UPK1B: variants seen among roughly 807,000 people sequenced by gnomAD.
UPK1B encodes the protein uroplakin-1b.
Under a neutral mutation model 34.2 loss-of-function variants are expected in UPK1B, and 28 were observed. The ratio of observed to expected loss-of-function variants is 0.82; its 90% CI spans 0.61 to 1.12. The LOEUF (loss-of-function observed/expected upper bound fraction) is 1.12. Among genes scored for constraint, UPK1B ranks in the 50% most tolerant of loss-of-function variants. The pLI, the probability that UPK1B is intolerant of heterozygous loss-of-function variation, is 0.00. For synonymous variants in UPK1B, 81 were observed against 110.4 expected (o/e 0.73, Z 1.67); for missense variants, 325 against 320.9 (o/e 1.01, Z -0.10).
chr3:119,179,467 T>A (rs1290200404), intron 1 of UPK1B, among the ~76,000 whole-genome samples: 6 of 130,546 alleles, frequency 4.6e-5, no homozygotes. Flanking sequence ...ATACAGCAGG[T>A]GGGCAACCTG....
At chr3:119,183,630 C>G (rs2077999695) in intron 1 of UPK1B, among the ~76,000 whole-genome samples, 1 of 152,088 alleles carries the variant, frequency 6.6e-6, no homozygotes, top group South Asian at 2.1e-4. Flanking sequence ...GCAACATAGC[C>G]CTGATTTTAG....
intron 2 of UPK1B, among the ~76,000 whole-genome samples, chr3:119,187,187 T>C (rs1192129198): frequency 6.6e-6 from 1 of 152,316 alleles, no homozygotes; most frequent in East Asian, 1.9e-4. Flanking sequence ...ATCTTGTTCT[T>C]CTCATACAGA....
At chr3:119,179,352 GATATATATATAT>G (rs60685268) in intron 1 of UPK1B, among the ~76,000 whole-genome samples, 1,436 of 46,822 alleles carry the variant, frequency 0.031, 60 homozygotes, top group African/African-American at 0.08. Context: ...GAGAGAGGGA[GATATATATATAT>G]ATATATATAT....
intron 1 of UPK1B, among the ~76,000 whole-genome samples, chr3:119,179,053 G>C (rs1235249037): frequency 6.6e-6 from 1 of 152,086 alleles, no homozygotes; most frequent in Non-Finnish European, 1.5e-5. Flanking sequence ...TAAAGAGAGA[G>C]AGAGGCAACG....
intron 7 of UPK1B, 30 bp from the exon 8 acceptor site, chr3:119,203,883 CTTGT>C: frequency 6.2e-7 from 1 of 1,602,954 alleles, no homozygotes; most frequent in African/African-American, 1.3e-5. Flanking sequence ...AAAACAATCC[CTTGT>C]TTATTTTTCC....
Position 119,199,059 on chromosome 3 carries a change from C to A in UPK1B, c.651C>A (p.Gly217=). The A allele has an allele frequency of 6.2e-7, 1 of 1,614,076 alleles. No homozygotes were observed. The highest frequency in any genetic ancestry group is 8.5e-7 in the Non-Finnish European group (1 of 1,179,946). The change falls in exon 7 of 8, where the codon GGC becomes GGA. Residue 217 remains glycine, a splice_region_variant and synonymous_variant. Transcript: ENST00000264234. ...TGTGGAATTGCCCACTCCTTCAGGGCTGCTATGAACTGATCTCTGGTCCAA... is the reference window on the plus strand; with the variant it reads ...TGTGGAATTGCCCACTCCTTCAGGGATGCTATGAACTGATCTCTGGTCCAA... The part of the protein sequence containing the change: ...LGVPGFYHNQ[G]CYELISGPMN...
At chr3:119,202,598 A>T (rs2078096008) in intron 7 of UPK1B, among the ~76,000 whole-genome samples, 3 of 152,210 alleles carry the variant, frequency 2.0e-5, no homozygotes, top group African/African-American at 7.2e-5. Flanking sequence ...AATTTAAGTG[A>T]CTTGGCTAAA....
chr3:119,181,503 C>T (rs984829091), intron 1 of UPK1B, among the ~76,000 whole-genome samples: 2 of 152,214 alleles, frequency 1.3e-5, no homozygotes, highest in East Asian at 1.9e-4. Context: ...TTACTATACT[C>T]ATTTGAAGAT....
Position 119,191,040 on chromosome 3 carries a change from C to T in UPK1B, c.404C>T (p.Pro135Leu), listed in dbSNP as rs2107433439. The T allele has an allele frequency of 1.2e-6, 2 of 1,614,110 alleles. No individual in the cohort carries two copies. Among genetic ancestry groups the T allele is most frequent in the East Asian group, 2.2e-5 (1 of 44,880 alleles). Residue 135 changes from proline to leucine, a missense_variant, in exon 5 of 8, where the codon CCA becomes CTA. Transcript: ENST00000264234. ...GAGAGGTACCAAAACAACAGCCCTCCAAACAATGATGACCAGTGGAAAAAC... is the reference window on the plus strand; with the variant it reads ...GAGAGGTACCAAAACAACAGCCCTCTAAACAATGATGACCAGTGGAAAAAC... ...MLERYQNNSP[P>L]NNDDQWKNNG...
At chr3:119,196,478 AC>A (rs1194266598) in intron 6 of UPK1B, among the ~76,000 whole-genome samples, 2 of 151,786 alleles carry the variant, frequency 1.3e-5, no homozygotes, top group Admixed American at 6.6e-5. Context: ...CAAAGCAAGC[AC>A]CGACGTTTGA....
intron 5 of UPK1B, among the ~76,000 whole-genome samples, chr3:119,191,774 A>G (rs1205142683): frequency 6.6e-6 from 1 of 152,120 alleles, no homozygotes; most frequent in African/African-American, 2.4e-5. Flanking sequence ...CATGTACCAT[A>G]GGACCTGGAA....
At chr3:119,178,869 A>C (rs1348220549) in intron 1 of UPK1B, among the ~76,000 whole-genome samples, 2 of 152,184 alleles carry the variant, frequency 1.3e-5, no homozygotes, top group Non-Finnish European at 2.9e-5. Context: ...GGAAACAGAA[A>C]ATGTTTAATT....
intron 1 of UPK1B, among the ~76,000 whole-genome samples, chr3:119,182,336 C>A (rs2077993287): frequency 6.6e-6 from 1 of 152,196 alleles, no homozygotes; most frequent in South Asian, 2.1e-4. Context: ...ACTGTTAAAA[C>A]CTCCCTTCTA....
chr3:119,176,627 G>C (rs538082716), intron 1 of UPK1B, among the ~76,000 whole-genome samples: 1 of 152,166 alleles, frequency 6.6e-6, no homozygotes, highest in Non-Finnish European at 1.5e-5. Context: ...AAAATATTTC[G>C]AGGTGAGTTG....
At chr3:119,199,021 C>T (rs368952510) in intron 6 of UPK1B, 36 bp from the exon 7 acceptor site, 5 of 1,610,206 alleles carry the variant, frequency 3.1e-6, no homozygotes, top group Non-Finnish European at 2.5e-6. Flanking sequence ...CTTTCTGGTT[C>T]TTCTCACACT....
intron 2 of UPK1B, 122 bp downstream of exon 2, chr3:119,186,932 C>T: frequency 1.0e-5 from 10 of 992,290 alleles, no homozygotes; most frequent in Non-Finnish European, 1.5e-5. Flanking sequence ...ATTTTTGCTT[C>T]ATTTTAAGAA....
chr3:119,199,655 C>T (rs1335663802), intron 7 of UPK1B, among the ~76,000 whole-genome samples: 1 of 152,218 alleles, frequency 6.6e-6, no homozygotes, highest in African/African-American at 2.4e-5. Context: ...CATTAAAACG[C>T]CATGGGGAAA....
intron 3 of UPK1B, among the ~76,000 whole-genome samples, chr3:119,189,281 T>A (rs2078033611): frequency 6.6e-6 from 1 of 152,188 alleles, no homozygotes; most frequent in Non-Finnish European, 1.5e-5. Context: ...TAGCCAGAGC[T>A]TTATTCTGGG....
In UPK1B at chr3:119,204,744, C is replaced by G. The variant is rs993617976; in HGVS notation, c.*777C>G. ...TACAAAAATTAGCCAGGCGTGATGG[C>G]AGGTGCCTGTAATCCTAGCTACTTG... On this transcript the variant is annotated 3_prime_UTR_variant, in exon 8 of 8. Transcript: ENST00000264234. The G allele has an allele frequency of 2.6e-5, 4 of 152,362 alleles. 1 individual carries two copies. Among genetic ancestry groups the G allele is most frequent in the African/African-American group, 7.2e-5 (3 of 41,448 alleles). 9.4% of individuals were successfully genotyped at this position (152,362 alleles called of 1,614,324 possible).
Sources: gnomAD v4.1 joint callset for allele counts (sites outside exome capture counted in the v4.1 genomes callset) on GRCh38, gnomAD v4.1.1 for gene constraint, MANE v1.5 for transcripts, NCBI Gene and HGNC (gene_info 2026-07-23, HGNC 2026-07-21) for gene names.